Variants in ADGRG6 observed in about 807,000 individuals in gnomAD.
The protein encoded by ADGRG6 is G-protein coupled receptor 126.
ADGRG6 carries 84 observed loss-of-function variants against 142.4 expected under a neutral mutation model. The ratio of observed to expected loss-of-function variants is 0.59; its 90% CI spans 0.49 to 0.71. The LOEUF is 0.71. Ranked by LOEUF, ADGRG6 falls within the 30% of genes least tolerant of loss-of-function variation. ADGRG6 has a pLI of 0.00. For synonymous variants in ADGRG6, 521 were observed against 520.5 expected (o/e 1.00, Z -0.01); for missense variants, 1,367 against 1,466.6 (o/e 0.93, Z 1.11).
chr6:142,439,738 A>C (rs1349673855), intron 24 of ADGRG6, among the ~76,000 whole-genome samples: 1 of 152,202 alleles, frequency 6.6e-6, no homozygotes, highest in East Asian at 1.9e-4. Flanking sequence ...CTTCCAGAAA[A>C]AAAAGGTACA....
At chr6:142,431,380 C>T (rs1383199044) in intron 22 of ADGRG6, among the ~76,000 whole-genome samples, 1 of 152,110 alleles carries the variant, frequency 6.6e-6, no homozygotes, top group Non-Finnish European at 1.5e-5. Context: ...TCATGAGCTC[C>T]CTTTTGTGAT....
intron 16 of ADGRG6, among the ~76,000 whole-genome samples, chr6:142,409,606 T>G (rs922400251): frequency 1.3e-5 from 2 of 152,124 alleles, no homozygotes; most frequent in African/African-American, 4.8e-5. Context: ...GAGAGTAGAA[T>G]CAATATACTT....
intron 9 of ADGRG6, among the ~76,000 whole-genome samples, chr6:142,394,828 C>T (rs759488955): frequency 6.6e-6 from 1 of 150,530 alleles, no homozygotes; most frequent in Non-Finnish European, 1.5e-5. Context: ...CTCAAGTAAA[C>T]CTCCTGTCTC....
At position 142,314,086 on chromosome 6, in the gene ADGRG6, C is replaced by T. The variant is rs1238032879; in HGVS notation, c.103+4442C>T. Among the ~76,000 whole-genome samples, 11 of 152,138 alleles carry T rather than the reference C, an allele frequency of 7.2e-5. No homozygotes were observed. The South Asian group carries it at 8.3e-4, about 11-fold the overall frequency. ...TTTTCTGTTTCAGACCTCAGATTAG[C>T]GTCAGTGTGAGTGAATAAAGTCTAG... On this transcript the variant is annotated intron_variant, in intron 2 of 24. Transcript: ENST00000367609.
intron 2 of ADGRG6, among the ~76,000 whole-genome samples, chr6:142,347,743 G>T (rs1403117450): frequency 6.6e-6 from 1 of 152,134 alleles, no homozygotes; most frequent in Non-Finnish European, 1.5e-5. Flanking sequence ...TGTCTAAGAT[G>T]ACTACGTCTT....
In ADGRG6 at chr6:142,443,394, C is replaced by T; in HGVS notation, c.3632C>T (p.Thr1211Ile). 1 of 1,611,806 alleles carries T rather than the reference C, an allele frequency of 6.2e-7. No homozygotes were observed. Among genetic ancestry groups the T allele is most frequent in the South Asian group, 1.1e-5 (1 of 91,010 alleles). Reference sequence around the variant, plus strand: ...CTGGCCCATGCTGATGGAGATCAAACATCAATCATCCCTGTCCATCAGGTC... The same window carrying T: ...CTGGCCCATGCTGATGGAGATCAAATATCAATCATCCCTGTCCATCAGGTC... ...SKLAHADGDQ[T>I]SIIPVHQVID... The change falls in exon 25 of 25, where the codon ACA (threonine) becomes ATA (isoleucine). Residue 1211 changes from threonine to isoleucine, a missense_variant. Physicochemically the swap from Thr to Ile is moderately conservative, Grantham distance 89. Coordinates refer to ENST00000367609, the MANE Select transcript of ADGRG6 (RefSeq NM_198569.3).
chr6:142,403,979 G>A lies in ADGRG6; in HGVS notation c.2127+6G>A. Reference sequence around the variant, plus strand: ...ATAATGAATCGTATTTCCAGGTAATGAGCCAGTGGTTTCTTTCATTTTAAT... The same window carrying A: ...ATAATGAATCGTATTTCCAGGTAATAAGCCAGTGGTTTCTTTCATTTTAAT... On this transcript the variant is annotated splice_donor_region_variant and intron_variant, in intron 14 of 24. Coordinates refer to ENST00000367609, the MANE Select transcript of ADGRG6 (RefSeq NM_198569.3). 6.3e-7 allele frequency: 1 copy of A among 1,592,002 alleles called. No homozygotes were observed. Among genetic ancestry groups the A allele is most frequent in the Non-Finnish European group, 8.6e-7 (1 of 1,162,394 alleles).
chr6:142,429,548 A>G (rs1777112883), intron 22 of ADGRG6, among the ~76,000 whole-genome samples: 1 of 152,122 alleles, frequency 6.6e-6, no homozygotes, highest in East Asian at 1.9e-4. Context: ...AGAGCCATAA[A>G]CCCTTGAAGA....
intron 8 of ADGRG6, among the ~76,000 whole-genome samples, chr6:142,393,688 G>T (rs1184415250): frequency 1.3e-5 from 2 of 152,120 alleles, no homozygotes; most frequent in African/African-American, 4.8e-5. Flanking sequence ...AGTTTCTTTA[G>T]TGTAATAATA....
In ADGRG6 at chr6:142,420,009, T is replaced by A; in HGVS notation, c.3224T>A (p.Phe1075Tyr). ...RNLRSVVSLT[F>Y]LLGMTWGFAF... ...CTGCGCAGTGTGGTTAGCTTGACCT[T>A]TCTGTTGGGCATGACATGGGGTTTT... is the stretch of plus-strand genomic sequence containing the variant. Residue 1075 changes from phenylalanine (F) to tyrosine (Y), a missense_variant, in exon 22 of 25, where the codon TTT (phenylalanine) becomes TAT (tyrosine). Coordinates refer to ENST00000367609, the MANE Select transcript of ADGRG6 (RefSeq NM_198569.3). 1 of 1,613,546 alleles carries A rather than the reference T, an allele frequency of 6.2e-7. No individual in the cohort carries two copies. Among genetic ancestry groups the A allele is most frequent in the Non-Finnish European group, 8.5e-7 (1 of 1,179,604 alleles).
intron 2 of ADGRG6, among the ~76,000 whole-genome samples, chr6:142,324,184 A>G (rs1774544235): frequency 6.6e-6 from 1 of 152,002 alleles, no homozygotes; most frequent in Non-Finnish European, 1.5e-5. Flanking sequence ...AGAAAAATGG[A>G]TTTTGTTGCC....
chr6:142,349,151 T>C (rs954646460), intron 2 of ADGRG6, among the ~76,000 whole-genome samples: 2 of 152,234 alleles, frequency 1.3e-5, no homozygotes, highest in Non-Finnish European at 2.9e-5. Flanking sequence ...GACATTTCTT[T>C]ATGAGCTTCC....
In ADGRG6 at chr6:142,393,940, G is replaced by A; in HGVS notation, c.1406G>A (p.Ser469Asn). Reference sequence around the variant, plus strand: ...GAGGACAAGATTAAAGTCAAGAGAAGCCTTGAGGATGAGCCAAGGTAACAG... The same window carrying A: ...GAGGACAAGATTAAAGTCAAGAGAAACCTTGAGGATGAGCCAAGGTAACAG... ...AGEDKIKVKR[S>N]LEDEPRLVLW... is the part of the protein sequence containing the mutation. Residue 469 changes from serine to asparagine, a missense_variant, in exon 9 of 25, where the codon AGC (serine) becomes AAC (asparagine). Ser to Asn is a conservative substitution (Grantham distance 46, BLOSUM62 1). Coordinates refer to ENST00000367609, the MANE Select transcript of ADGRG6 (RefSeq NM_198569.3). 3 of 1,561,564 alleles carry A rather than the reference G, an allele frequency of 1.9e-6. No individual in the cohort carries two copies. Among genetic ancestry groups the A allele is most frequent in the South Asian group, 1.2e-5 (1 of 84,788 alleles).
intron 2 of ADGRG6, among the ~76,000 whole-genome samples, chr6:142,348,987 C>T (rs1040587107): frequency 2.0e-5 from 3 of 152,134 alleles, no homozygotes; most frequent in Non-Finnish European, 1.5e-5. Flanking sequence ...GGAAGCTAAA[C>T]TTTGTTTCAA....
At chr6:142,416,958 A>G (rs1776395286) in intron 20 of ADGRG6, among the ~76,000 whole-genome samples, 1 of 152,190 alleles carries the variant, frequency 6.6e-6, no homozygotes, top group Non-Finnish European at 1.5e-5. Context: ...AACCACATTC[A>G]CTAGTGCTAG....
intron 10 of ADGRG6, among the ~76,000 whole-genome samples, chr6:142,398,055 T>C (rs1191507249): frequency 6.6e-6 from 1 of 152,174 alleles, no homozygotes; most frequent in Non-Finnish European, 1.5e-5. Flanking sequence ...TTGTCAACTT[T>C]AGGGAAAAAA....
At position 142,415,979 on chromosome 6, in the gene ADGRG6, A is replaced by G. The variant is rs1319733457; in HGVS notation, c.2853A>G (p.Glu951=). Residue 951 remains glutamate (E), a synonymous_variant, in exon 20 of 25, where the codon GAA becomes GAG. Transcript: ENST00000367609. ...CAACCTTTACCTGGATGGGGCTAGA[A>G]GCAATTCACATGTACATTGCTCTAG... ...LLATFTWMGL[E]AIHMYIALVK... is the part of the protein sequence containing the mutation. 2 of 1,612,726 alleles carry G rather than the reference A, an allele frequency of 1.2e-6. No homozygotes were observed. The highest frequency in any genetic ancestry group is 1.7e-6 in the Non-Finnish European group (2 of 1,178,886).
chr6:142,437,607 A>C (rs1386335605), intron 23 of ADGRG6, 72 bp downstream of exon 23: 1 of 780,138 alleles, frequency 1.3e-6, no homozygotes, highest in Non-Finnish European at 2.3e-6. Context: ...TTTCATTGTC[A>C]GAGCAACCCA....
intron 2 of ADGRG6, among the ~76,000 whole-genome samples, chr6:142,364,408 C>G (rs1398795694): frequency 6.6e-6 from 1 of 152,010 alleles, no homozygotes; most frequent in Non-Finnish European, 1.5e-5. Flanking sequence ...TATCTTTTTT[C>G]TATCCCTCTG....
Sources: allele counts gnomAD v4.1 joint callset (sites outside exome capture counted in the v4.1 genomes callset), GRCh38; gene constraint gnomAD v4.1.1; transcripts MANE v1.5; gene names NCBI Gene and HGNC (gene_info 2026-07-23, HGNC 2026-07-21).